SLC18A1: variants seen among roughly 807,000 people sequenced by gnomAD.
SLC18A1 encodes chromaffin granule amine transporter.
In SLC18A1, 69 loss-of-function variants were observed where a neutral mutation model predicts 53.7. The observed-to-expected ratio is 1.28, with a 90% CI of 1.06 to 1.57. SLC18A1 has a LOEUF of 1.57. SLC18A1 is among the 40% of genes most tolerant of loss of function. SLC18A1 has a pLI of 0.00. For missense variants in SLC18A1, 932 were observed against 668.1 expected, an observed-to-expected ratio of 1.40 and a Z score of -4.35; for synonymous variants, 320 against 248.1, an observed-to-expected ratio of 1.29 and a Z score of -2.72.
At position 20,164,814 on chromosome 8, in the gene SLC18A1, C is replaced by T. The variant is rs969433518; in HGVS notation, c.1015+55G>A. On this transcript the variant is annotated intron_variant, in intron 10 of 15. Transcript: ENST00000276373. ...CTGTGTGACATTGAACGAAAGGACTCATGGCACCCACCTCCTCCTGCCAGG... is the reference window on the plus strand; with the variant it reads ...CTGTGTGACATTGAACGAAAGGACTTATGGCACCCACCTCCTCCTGCCAGG... 3.6e-6 allele frequency: 5 copies of T among 1,382,662 alleles called. No individual in the cohort carries two copies. In the African/African-American group the frequency reaches 5.8e-5, roughly 16 times the overall value. The allele number at this position is 1,382,662 out of a possible 1,614,324, so 85.6% of individuals were successfully genotyped here.
At chr8:20,176,777 T>C (rs1021148445) in intron 4 of SLC18A1, among the ~76,000 whole-genome samples, 1 of 152,244 alleles carries the variant, frequency 6.6e-6, no homozygotes, top group African/African-American at 2.4e-5. Context: ...TTATTTAACA[T>C]ATATAGTTTG....
intron 6 of SLC18A1, among the ~76,000 whole-genome samples, chr8:20,171,907 A>C (rs150689339): frequency 1.7e-3 from 261 of 152,338 alleles, no homozygotes; most frequent in African/African-American, 5.7e-3. Flanking sequence ...GAGGTGTCAG[A>C]AAAGAGTGTG....
At chr8:20,162,517 C>G (rs145402584) in intron 10 of SLC18A1, among the ~76,000 whole-genome samples, 1 of 152,326 alleles carries the variant, frequency 6.6e-6, no homozygotes, top group Admixed American at 6.5e-5. Flanking sequence ...GTTAAAACAG[C>G]CACAAAGCAG....
At chr8:20,177,230 G>A (rs1359666347) in intron 4 of SLC18A1, among the ~76,000 whole-genome samples, 2 of 152,208 alleles carry the variant, frequency 1.3e-5, no homozygotes, top group Non-Finnish European at 2.9e-5. Context: ...GTAGTTCTCA[G>A]AGACAACCTC....
chr8:20,158,699 G>T (rs532184293), intron 10 of SLC18A1, among the ~76,000 whole-genome samples: 1 of 152,146 alleles, frequency 6.6e-6, no homozygotes, highest in East Asian at 1.9e-4. Context: ...GACAGTGGAG[G>T]TTAGTGCAAG....
rs943503566 is a variant in SLC18A1, at chr8:20,158,671, G to A, written c.1015+6198C>T. ...AGCCCCTGCAGTACTCCAATTTTAGGAGTCCAGAAACCCAACGGACAGTGG... is the reference window on the plus strand; with the variant it reads ...AGCCCCTGCAGTACTCCAATTTTAGAAGTCCAGAAACCCAACGGACAGTGG... On this transcript the variant is annotated intron_variant, in intron 10 of 15. Transcript: ENST00000276373. Among the ~76,000 whole-genome samples, 4 of 152,224 alleles carry A rather than the reference G, an allele frequency of 2.6e-5. No homozygotes were observed. In the East Asian group the frequency reaches 7.7e-4, roughly 29 times the overall value.
intron 4 of SLC18A1, among the ~76,000 whole-genome samples, chr8:20,176,616 A>G (rs2072259186): frequency 6.6e-6 from 1 of 152,128 alleles, no homozygotes; most frequent in Non-Finnish European, 1.5e-5. Context: ...TGGGGGGTGG[A>G]GGGTTTAAGG....
Position 20,173,027 on chromosome 8 carries a change from G to T in SLC18A1, c.724+9C>A. On this transcript the variant is annotated intron_variant, in intron 6 of 15. Transcript: ENST00000276373. Reference sequence around the variant, plus strand: ...TCCCGAACCCAGAGCTCCAGCTGGTGCCACTTACCCAGCAACCCCAAGGCC... The same window carrying T: ...TCCCGAACCCAGAGCTCCAGCTGGTTCCACTTACCCAGCAACCCCAAGGCC... 1.3e-6 allele frequency: 2 copies of T among 1,571,116 alleles called. No individual in the cohort carries two copies. Among genetic ancestry groups the T allele is most frequent in the Non-Finnish European group, 1.7e-6 (2 of 1,156,042 alleles).
chr8:20,156,669 G>T (rs919541815), intron 10 of SLC18A1, among the ~76,000 whole-genome samples: 3 of 152,128 alleles, frequency 2.0e-5, no homozygotes, highest in African/African-American at 7.2e-5. Context: ...TAGGAAAAAG[G>T]CACACAGGAT....
At chr8:20,169,672 A>AGTTC (rs2072060904) in intron 8 of SLC18A1, among the ~76,000 whole-genome samples, 2 of 152,296 alleles carry the variant, frequency 1.3e-5, no homozygotes, top group South Asian at 4.1e-4. Flanking sequence ...TGAGCTCAGG[A>AGTTC]GTTCGAGACC....
rs146988587 is a variant in SLC18A1, at chr8:20,180,604, T to G, written c.124+237A>C. ...GGCTCCGGGCCATCCTCTTCTCCAGTCAGACCCTCTCTGGACCTCCTGCTC... is the reference window on the plus strand; with the variant it reads ...GGCTCCGGGCCATCCTCTTCTCCAGGCAGACCCTCTCTGGACCTCCTGCTC... On this transcript the variant is annotated intron_variant, in intron 2 of 15. Coordinates refer to ENST00000276373, the MANE Select transcript of SLC18A1 (RefSeq NM_003053.4). Among the ~76,000 whole-genome samples, 305 of 152,318 alleles carry G rather than the reference T, an allele frequency of 2.0e-3. 1 individual carries two copies. Among genetic ancestry groups the G allele is most frequent in the African/African-American group, 7.0e-3 (289 of 41,582 alleles).
At chr8:20,181,320 C>A (rs1366166015) in intron 1 of SLC18A1, among the ~76,000 whole-genome samples, 2 of 152,174 alleles carry the variant, frequency 1.3e-5, no homozygotes, top group African/African-American at 4.8e-5. Flanking sequence ...AGATGCTCTA[C>A]AGATCACTTA....
intron 11 of SLC18A1, among the ~76,000 whole-genome samples, 191 bp downstream of exon 11, chr8:20,150,475 C>G (rs1259050753): frequency 6.6e-6 from 1 of 152,208 alleles, no homozygotes; most frequent in East Asian, 1.9e-4. Flanking sequence ...GCTCAGAGCT[C>G]AGGACAATCC....
chr8:20,164,213 AG>A (rs1366475946), intron 10 of SLC18A1, among the ~76,000 whole-genome samples: 1 of 152,066 alleles, frequency 6.6e-6, no homozygotes, highest in Admixed American at 6.5e-5. Context: ...CTCTTTCCTC[AG>A]GGTTCCTGGG....
chr8:20,146,587 G>A (rs2071404960), intron 15 of SLC18A1, among the ~76,000 whole-genome samples: 1 of 152,120 alleles, frequency 6.6e-6, no homozygotes, highest in Non-Finnish European at 1.5e-5. Context: ...CTATGGTATG[G>A]ATCTCTTCCC....
chr8:20,154,996 G>T (rs1447736026), intron 10 of SLC18A1, among the ~76,000 whole-genome samples: 1 of 152,130 alleles, frequency 6.6e-6, no homozygotes, highest in East Asian at 1.9e-4. Flanking sequence ...AAGTGCCCAG[G>T]TTCATCCTAA....
At chr8:20,154,358 G>C (rs2071631392) in intron 10 of SLC18A1, among the ~76,000 whole-genome samples, 2 of 152,110 alleles carry the variant, frequency 1.3e-5, no homozygotes, top group Admixed American at 1.3e-4. Context: ...CAGGAGTAGA[G>C]GTGAAAAGAA....
intron 10 of SLC18A1, among the ~76,000 whole-genome samples, chr8:20,160,545 T>C (rs2071803676): frequency 1.3e-5 from 2 of 152,092 alleles, no homozygotes; most frequent in Non-Finnish European, 2.9e-5. Context: ...TGGTTTAAAG[T>C]AAAATTGTAC....
Position 20,179,029 on chromosome 8 carries a change from A to G in SLC18A1, c.488+92T>C, listed in dbSNP as rs1039572319. ...CCCCTGAGGAATCATACAAGTGAGT[A>G]TTTCTTCTTTTTCCCTTCCAACCCC... is the stretch of plus-strand genomic sequence containing the variant. On this transcript the variant is annotated intron_variant, in intron 3 of 15. Transcript: ENST00000276373. 6 of 1,447,718 alleles carry G rather than the reference A, an allele frequency of 4.1e-6. No homozygotes were observed. The African/African-American group carries it at 8.6e-5, about 21-fold the overall frequency. The allele number at this position is 1,447,718 out of a possible 1,614,324, so 89.7% of individuals were successfully genotyped here.
Sources: allele counts gnomAD v4.1 joint callset (sites outside exome capture counted in the v4.1 genomes callset), GRCh38; gene constraint gnomAD v4.1.1; transcripts MANE v1.5; gene names NCBI Gene and HGNC (gene_info 2026-07-23, HGNC 2026-07-21).